NBEA: variants seen among roughly 807,000 people sequenced by gnomAD.
NBEA encodes the protein lysosomal-trafficking regulator 2.
NBEA carries 44 observed loss-of-function variants against 343.4 expected under a neutral mutation model. The observed-to-expected ratio is 0.13, with a 90% CI of 0.10 to 0.16. The LOEUF is 0.16. Ranked by LOEUF, NBEA falls within the 10% of genes least tolerant of loss-of-function variation. The pLI is 1.00. For synonymous variants in NBEA, 1,175 were observed against 1,238.7 expected, an observed-to-expected ratio of 0.95 and a Z score of 1.08; for missense variants, 2,555 against 3,631.3, an observed-to-expected ratio of 0.70 and a Z score of 7.62.
At chr13:35,095,176 C>T (rs1390332460) in intron 10 of NBEA, among the ~76,000 whole-genome samples, 1 of 151,278 alleles carries the variant, frequency 6.6e-6, no homozygotes, top group East Asian at 1.9e-4. Context: ...ATAAGTACCT[C>T]AAAGATAATA....
chr13:35,531,508 T>G (rs186376687), intron 41 of NBEA, among the ~76,000 whole-genome samples: 2 of 152,326 alleles, frequency 1.3e-5, no homozygotes, highest in East Asian at 3.9e-4. Context: ...GTGTAATAAG[T>G]AGTGTTGCTG....
intron 41 of NBEA, among the ~76,000 whole-genome samples, chr13:35,505,860 A>C (rs2077054165): frequency 6.6e-6 from 1 of 152,206 alleles, no homozygotes; most frequent in African/African-American, 2.4e-5. Context: ...ATTCTACTTT[A>C]GTCTGCATGT....
chr13:35,545,852 G>C (rs2079036149), intron 41 of NBEA, among the ~76,000 whole-genome samples: 1 of 152,180 alleles, frequency 6.6e-6, no homozygotes, highest in Non-Finnish European at 1.5e-5. Flanking sequence ...TTAGATTACT[G>C]TTTTGGTTCT....
chr13:35,371,621 G>A (rs2041438377), intron 38 of NBEA, among the ~76,000 whole-genome samples: 1 of 151,644 alleles, frequency 6.6e-6, no homozygotes, highest in Non-Finnish European at 1.5e-5. Flanking sequence ...TTTTTCTTTG[G>A]AATTTCCTGC....
At chr13:35,355,705 A>G (rs1387071591) in intron 38 of NBEA, among the ~76,000 whole-genome samples, 2 of 151,984 alleles carry the variant, frequency 1.3e-5, no homozygotes, top group African/African-American at 4.8e-5. Context: ...TTTTTGTTCT[A>G]GTCACCCTGG....
intron 10 of NBEA, among the ~76,000 whole-genome samples, chr13:35,092,301 G>C (rs941884215): frequency 1.3e-5 from 2 of 151,896 alleles, no homozygotes; most frequent in African/African-American, 4.8e-5. Flanking sequence ...AAATTTATGG[G>C]ACTTAGGGTA....
At chr13:35,224,082 C>T (rs189107287) in intron 33 of NBEA, among the ~76,000 whole-genome samples, 1 of 152,278 alleles carries the variant, frequency 6.6e-6, no homozygotes, top group Non-Finnish European at 1.5e-5. Context: ...CAGTTTTTCT[C>T]AAACTTGGGA....
At chr13:35,045,640 C>T (rs1237486482) in intron 4 of NBEA, among the ~76,000 whole-genome samples, 2 of 152,130 alleles carry the variant, frequency 1.3e-5, no homozygotes, top group African/African-American at 4.8e-5. Context: ...TTCTGATTTA[C>T]TTTGTATTCC....
At chr13:35,346,426 C>T (rs868290116) in intron 36 of NBEA, among the ~76,000 whole-genome samples, 1 of 152,014 alleles carries the variant, frequency 6.6e-6, no homozygotes, top group Non-Finnish European at 1.5e-5. Flanking sequence ...TCAGAGTTTA[C>T]GTGATGTTCT....
At chr13:35,363,028 C>T (rs1017956937) in intron 38 of NBEA, among the ~76,000 whole-genome samples, 2 of 151,874 alleles carry the variant, frequency 1.3e-5, no homozygotes, top group Non-Finnish European at 2.9e-5. Flanking sequence ...GGTCCCACTC[C>T]TGTTTCCCTT....
chr13:34,986,687 T>G (rs1026718240), intron 1 of NBEA, among the ~76,000 whole-genome samples: 1 of 150,912 alleles, frequency 6.6e-6, no homozygotes, highest in African/African-American at 2.4e-5. Context: ...TTTGTAGGTC[T>G]CTAAGGACTT....
At chr13:35,474,248 C>G (rs2075770402) in intron 41 of NBEA, 1 of 152,452 alleles carries the variant, frequency 6.6e-6, no homozygotes, top group Non-Finnish European at 1.5e-5. Context: ...TAAAAACCAG[C>G]AACAAATTAA....
At chr13:35,105,911 CA>C (rs947071186) in intron 11 of NBEA, among the ~76,000 whole-genome samples, 1 of 151,940 alleles carries the variant, frequency 6.6e-6, no homozygotes, top group Admixed American at 6.6e-5. Flanking sequence ...TAAAAATGAA[CA>C]TTTCTGATAA....
intron 34 of NBEA, among the ~76,000 whole-genome samples, chr13:35,288,182 T>C (rs1033418728): frequency 3.9e-5 from 6 of 152,030 alleles, no homozygotes; most frequent in Non-Finnish European, 2.9e-5. Context: ...CATATACAGC[T>C]TAAGAGTTAC....
chr13:35,211,305 A>C, intron 33 of NBEA, 126 bp downstream of exon 33: 1 of 841,776 alleles, frequency 1.2e-6, no homozygotes, highest in East Asian at 2.8e-5. Context: ...TACATTTCAC[A>C]ATTCTGATAT....
At chr13:35,539,049 A>T (rs2078686422) in intron 41 of NBEA, among the ~76,000 whole-genome samples, 1 of 152,216 alleles carries the variant, frequency 6.6e-6, no homozygotes, top group Non-Finnish European at 1.5e-5. Flanking sequence ...TATGTTTCTT[A>T]TTAAATAAAA....
intron 11 of NBEA, among the ~76,000 whole-genome samples, chr13:35,108,406 A>G (rs1025692205): frequency 2.6e-5 from 4 of 152,058 alleles, no homozygotes; most frequent in African/African-American, 9.7e-5. Flanking sequence ...AGCATTGTCC[A>G]ATTAAATTAC....
At chr13:35,514,592 T>C (rs531774325) in intron 41 of NBEA, among the ~76,000 whole-genome samples, 1 of 152,250 alleles carries the variant, frequency 6.6e-6, no homozygotes, top group South Asian at 2.1e-4. Flanking sequence ...GAGAAAAAAA[T>C]ATTTTCATCA....
chr13:35,230,194 C>T (rs73167797), intron 33 of NBEA, among the ~76,000 whole-genome samples: 6,953 of 151,944 alleles, frequency 0.046, 199 homozygotes, highest in South Asian at 0.078. Context: ...TCAAGATAAT[C>T]GATAATAATG....
Sources: gnomAD v4.1 joint callset for allele counts (sites outside exome capture counted in the v4.1 genomes callset) on GRCh38, gnomAD v4.1.1 for gene constraint, MANE v1.5 for transcripts, NCBI Gene and HGNC (gene_info 2026-07-23, HGNC 2026-07-21) for gene names.